ENPP2: variants seen among roughly 807,000 people sequenced by gnomAD.
ENPP2 encodes the protein ectonucleotide pyrophosphatase/phosphodiesterase 2.
Under a neutral mutation model 120.2 loss-of-function variants are expected in ENPP2, and 51 were observed. The ratio of observed to expected loss-of-function variants is 0.42; its 90% confidence interval spans 0.34 to 0.54. The LOEUF (loss-of-function observed/expected upper bound fraction) is 0.54, where lower values mean the gene tolerates loss of function less well. ENPP2 is among the 20% of genes least tolerant of loss of function. The pLI is 0.04. For synonymous variants in ENPP2, 365 were observed against 366.4 expected (o/e 1.00, Z 0.04); for missense variants, 920 against 1,066.5 (o/e 0.86, Z 1.91).
chr8:119,644,653 GAT>G (rs57182103), intron 1 of ENPP2, among the ~76,000 whole-genome samples: 42,108 of 91,788 alleles, frequency 0.46, 8,195 homozygotes, highest in African/African-American at 0.62. Context: ...CACACATATA[GAT>G]ATATATATAT....
chr8:119,634,712 G>T (rs568058884), intron 2 of ENPP2, among the ~76,000 whole-genome samples: 1 of 152,060 alleles, frequency 6.6e-6, no homozygotes, highest in Non-Finnish European at 1.5e-5. Flanking sequence ...TCAAACTTTT[G>T]TACATAGTTT....
At chr8:119,563,191 G>C (rs1468238566) in intron 23 of ENPP2, among the ~76,000 whole-genome samples, 178 bp from the exon 24 acceptor site, 1 of 151,962 alleles carries the variant, frequency 6.6e-6, no homozygotes, top group African/African-American at 2.4e-5. Flanking sequence ...TGTTTTCTTT[G>C]CCTGGAATCC....
At chr8:119,581,265 CAAAAAAA>C (rs5894487) in intron 18 of ENPP2, among the ~76,000 whole-genome samples, 3 of 111,784 alleles carry the variant, frequency 2.7e-5, no homozygotes, top group Non-Finnish European at 5.7e-5. Flanking sequence ...GACTCCATCT[CAAAAAAA>C]AAAAAAAAAA....
At chr8:119,596,095 A>G in intron 11 of ENPP2, 1 of 1,213,818 alleles carries the variant, frequency 8.2e-7, no homozygotes, top group Non-Finnish European at 1.2e-6. Context: ...GGATCAGCAG[A>G]GTCTCAGAAT....
Position 119,562,843 on chromosome 8 carries a change from C to T in ENPP2, c.2421+14G>A, listed in dbSNP as rs199639545. 1.5e-5 allele frequency: 24 copies of T among 1,612,370 alleles called. No homozygotes were observed. In the East Asian group the frequency reaches 5.1e-4, roughly 34 times the overall value. ...ATGGAAGCAAATCCTAAAGGACTCT[C>T]TCTGTAAACTCACATTGCAGCTCTC... On this transcript the variant is annotated intron_variant, in intron 24 of 24. Coordinates refer to ENST00000075322, the MANE Select transcript of ENPP2 (RefSeq NM_001040092.3).
At chr8:119,626,498 T>G (rs937313490) in intron 3 of ENPP2, 67 bp downstream of exon 3, 1 of 1,344,578 alleles carries the variant, frequency 7.4e-7, no homozygotes, top group African/African-American at 1.4e-5. Context: ...CACTCCAGGA[T>G]GCATACAATA....
chr8:119,575,334 G>T (rs1028487194), intron 19 of ENPP2, among the ~76,000 whole-genome samples: 1 of 151,980 alleles, frequency 6.6e-6, no homozygotes, highest in Non-Finnish European at 1.5e-5. Context: ...GAGTGTATGG[G>T]AAAGAAGATC....
chr8:119,564,067 G>A (rs1293457790), intron 23 of ENPP2, among the ~76,000 whole-genome samples: 1 of 151,550 alleles, frequency 6.6e-6, no homozygotes. Context: ...AGACTGTGGG[G>A]TCCCTTATGA....
At chr8:119,621,635 C>T in intron 3 of ENPP2, 116 bp from the exon 4 acceptor site, 1 of 1,130,032 alleles carries the variant, frequency 8.8e-7, no homozygotes, top group South Asian at 1.5e-5. Flanking sequence ...ATTTACTCTG[C>T]TTGTGAAATT....
intron 3 of ENPP2, 119 bp from the exon 4 acceptor site, chr8:119,621,638 G>T: frequency 1.8e-6 from 2 of 1,108,130 alleles, no homozygotes; most frequent in Non-Finnish European, 2.6e-6. Flanking sequence ...TACTCTGCTT[G>T]TGAAATTTGA....
At chr8:119,598,319 GTT>G (rs1189520461) in intron 11 of ENPP2, among the ~76,000 whole-genome samples, 2 of 152,068 alleles carry the variant, frequency 1.3e-5, no homozygotes, top group Non-Finnish European at 2.9e-5. Flanking sequence ...CCAATTAAGA[GTT>G]TATCCAGTAG....
At chr8:119,614,645 C>T (rs1028043838) in intron 8 of ENPP2, among the ~76,000 whole-genome samples, 3 of 152,190 alleles carry the variant, frequency 2.0e-5, no homozygotes, top group Admixed American at 6.5e-5. Context: ...TATGTCAACA[C>T]TTGGTGTAAG....
chr8:119,590,473 C>G (rs1324370572), intron 13 of ENPP2, 32 bp downstream of exon 13: 1 of 1,555,370 alleles, frequency 6.4e-7, no homozygotes, highest in Non-Finnish European at 8.7e-7. Context: ...TATTACCACT[C>G]TAACCACTTA....
At chr8:119,591,495 A>C (rs545618218) in intron 12 of ENPP2, among the ~76,000 whole-genome samples, 1 of 152,320 alleles carries the variant, frequency 6.6e-6, no homozygotes, top group Admixed American at 6.5e-5. Flanking sequence ...GATCTTATTG[A>C]AATGTATGAG....
chr8:119,583,058 G>A (rs894975867), intron 17 of ENPP2, among the ~76,000 whole-genome samples: 4 of 152,174 alleles, frequency 2.6e-5, no homozygotes, highest in African/African-American at 7.2e-5. Flanking sequence ...GGGGACATGA[G>A]GAGGCTTTGG....
chr8:119,648,693 G>T (rs1442368954), intron 1 of ENPP2, among the ~76,000 whole-genome samples: 1 of 152,170 alleles, frequency 6.6e-6, no homozygotes, highest in Non-Finnish European at 1.5e-5. Context: ...AACAGTGAAG[G>T]GCATTCAACA....
At chr8:119,585,192 C>T (rs73329820) in intron 15 of ENPP2, among the ~76,000 whole-genome samples, 1,535 of 152,296 alleles carry the variant, frequency 0.01, 29 homozygotes, top group African/African-American at 0.035. Context: ...AATTAATTTA[C>T]CAGGCCAGTA....
intron 1 of ENPP2, among the ~76,000 whole-genome samples, chr8:119,665,452 C>T (rs980524653): frequency 6.6e-6 from 1 of 152,144 alleles, no homozygotes; most frequent in African/African-American, 2.4e-5. Context: ...GTGCAATGCC[C>T]CTCTTTTCAC....
chr8:119,592,748 T>C (rs1174407447), intron 12 of ENPP2, among the ~76,000 whole-genome samples: 2 of 148,420 alleles, frequency 1.3e-5, no homozygotes, highest in African/African-American at 4.9e-5. Flanking sequence ...AGCTCTCCAC[T>C]AAGCCGAATG....
Sources: allele counts gnomAD v4.1 joint callset (sites outside exome capture counted in the v4.1 genomes callset), GRCh38; gene constraint gnomAD v4.1.1; transcripts MANE v1.5; gene names NCBI Gene and HGNC (gene_info 2026-07-23, HGNC 2026-07-21).